TSPAN18: variants seen among roughly 807,000 people sequenced by gnomAD.
TSPAN18 encodes tetraspanin-18.
A neutral mutation model predicts 27.3 loss-of-function variants in TSPAN18; 14 were observed. That is an observed-to-expected ratio of 0.51 (90% CI 0.34 to 0.80). The LOEUF (loss-of-function observed/expected upper bound fraction) is 0.80. TSPAN18 is among the 30% of genes least tolerant of loss of function. TSPAN18 has a pLI of 0.01. For synonymous variants in TSPAN18, 143 were observed against 136.5 expected (o/e 1.05, Z -0.33); for missense variants, 268 against 323.9 (o/e 0.83, Z 1.32).
At chr11:44,737,990 G>A (rs1217991660) in intron 1 of TSPAN18, among the ~76,000 whole-genome samples, 1 of 151,920 alleles carries the variant, frequency 6.6e-6, no homozygotes, top group Non-Finnish European at 1.5e-5. Flanking sequence ...CCTTAGTGGT[G>A]TTTTGTCACT....
intron 2 of TSPAN18, among the ~76,000 whole-genome samples, chr11:44,794,245 C>T (rs1246455466): frequency 3.3e-5 from 5 of 152,186 alleles, no homozygotes; most frequent in Non-Finnish European, 7.3e-5. Flanking sequence ...TCACCCCTAC[C>T]AAGTGTTTCC....
At chr11:44,812,693 A>T (rs1054096098) in intron 2 of TSPAN18, among the ~76,000 whole-genome samples, 1 of 152,174 alleles carries the variant, frequency 6.6e-6, no homozygotes, top group Admixed American at 6.5e-5. Context: ...GGGATCATTA[A>T]GGCACAGACC....
rs1442347270 is a variant in TSPAN18 at position 44,888,588 on chromosome 11, G to GGGCTT, written c.-10-17811_-10-17807dup. ...TCCAGAGTCACCTTTCCCTGGGGCT[G>GGGCTT]GGCTTGGCTTGGGCTGCATTTGGAG... On this transcript the variant is annotated intron_variant, in intron 3 of 9. Coordinates refer to ENST00000520358, the MANE Select transcript of TSPAN18 (RefSeq NM_130783.5). Among the ~76,000 whole-genome samples, 13 of 152,168 alleles carry GGGCTT rather than the reference G, an allele frequency of 8.5e-5. No homozygotes were observed. In the East Asian group the frequency reaches 2.5e-3, roughly 29 times the overall value.
At chr11:44,905,963 TTCTGGTCCAGGC>T (rs1392555544) in intron 3 of TSPAN18, among the ~76,000 whole-genome samples, 26 of 152,306 alleles carry the variant, frequency 1.7e-4, no homozygotes, top group African/African-American at 6.0e-4. Context: ...CAGGCCTGGC[TTCTGGTCCAGGC>T]TCTGGGCCTT....
intron 2 of TSPAN18, among the ~76,000 whole-genome samples, chr11:44,846,391 G>A (rs972421186): frequency 2.6e-5 from 4 of 152,308 alleles, no homozygotes; most frequent in South Asian, 2.1e-4. Context: ...AGTGTTGGGC[G>A]CAGGCCTGTG....
At chr11:44,926,883 G>T (rs1302344285) in intron 9 of TSPAN18, 126 bp downstream of exon 9, 2 of 919,152 alleles carry the variant, frequency 2.2e-6, no homozygotes, top group Non-Finnish European at 3.4e-6. Flanking sequence ...CCCACTGTGG[G>T]TGCTATGGGG....
At chr11:44,846,743 C>T (rs962566182) in intron 2 of TSPAN18, among the ~76,000 whole-genome samples, 2 of 152,206 alleles carry the variant, frequency 1.3e-5, no homozygotes, top group African/African-American at 2.4e-5. Flanking sequence ...AATACAGCCT[C>T]TCCAGGTAGG....
rs1554938070 is a variant in TSPAN18, at chr11:44,908,776, A to AAAGG, written c.64-926_64-925insGAAG. ...AGAGAGAGAGAGAGAAAGGAGAAAG[A>AAAGG]AAGAAAGAAAGAAAGAAAGAAAGAA... On this transcript the variant is annotated intron_variant, in intron 4 of 9. Coordinates refer to ENST00000520358, the MANE Select transcript of TSPAN18 (RefSeq NM_130783.5). Among the ~76,000 whole-genome samples the AAAGG allele has an allele frequency of 5.8e-5, 7 of 120,500 alleles. 1 individual carries two copies. In the East Asian group the frequency reaches 1.8e-3, roughly 31 times the overall value. The allele number at this position is 120,500 out of a possible 152,430, so 79.1% of individuals were successfully genotyped here. A position where few individuals can be genotyped will look rare whatever the true frequency, so the allele number is the denominator to read the frequency against.
chr11:44,924,511 C>A (rs1357461911), intron 8 of TSPAN18, among the ~76,000 whole-genome samples: 1 of 152,082 alleles, frequency 6.6e-6, no homozygotes. Context: ...TCCGGGAAAC[C>A]CCTCAAAGAG....
At chr11:44,731,776 C>T (rs1854667725) in intron 1 of TSPAN18, among the ~76,000 whole-genome samples, 1 of 152,030 alleles carries the variant, frequency 6.6e-6, no homozygotes, top group Non-Finnish European at 1.5e-5. Flanking sequence ...TAGCCCCGTC[C>T]CCATGGCAAG....
chr11:44,914,576 A>G (rs1859836566), intron 5 of TSPAN18, among the ~76,000 whole-genome samples: 1 of 152,158 alleles, frequency 6.6e-6, no homozygotes, highest in African/African-American at 2.4e-5. Context: ...TAGAAACCAT[A>G]AGACCTCGGG....
chr11:44,851,485 C>T (rs1857599294), intron 2 of TSPAN18, among the ~76,000 whole-genome samples: 1 of 152,096 alleles, frequency 6.6e-6, no homozygotes, highest in Non-Finnish European at 1.5e-5. Flanking sequence ...GAGTGGACTT[C>T]AGAGTTCCAA....
chr11:44,783,054 C>T (rs1240773689), intron 2 of TSPAN18, among the ~76,000 whole-genome samples: 4 of 152,148 alleles, frequency 2.6e-5, no homozygotes, highest in African/African-American at 9.7e-5. Context: ...GTCTCGAACT[C>T]CTGGCTCCAG....
chr11:44,854,592 TCTTA>T (rs1857688374), intron 2 of TSPAN18, among the ~76,000 whole-genome samples: 1 of 152,174 alleles, frequency 6.6e-6, no homozygotes, highest in Non-Finnish European at 1.5e-5. Context: ...GGGAGAAAGT[TCTTA>T]CTTATTGTAG....
At chr11:44,763,835 C>G (rs1590433080) in intron 1 of TSPAN18, among the ~76,000 whole-genome samples, 1 of 152,078 alleles carries the variant, frequency 6.6e-6, no homozygotes, top group East Asian at 1.9e-4. Context: ...GGTGCTTAGT[C>G]CTGCCTTTCC....
At chr11:44,914,985 G>A (rs1383882936) in intron 5 of TSPAN18, among the ~76,000 whole-genome samples, 1 of 152,248 alleles carries the variant, frequency 6.6e-6, no homozygotes, top group Non-Finnish European at 1.5e-5. Context: ...CCTCGTGGAA[G>A]CCATGCGCAG....
intron 2 of TSPAN18, among the ~76,000 whole-genome samples, chr11:44,774,579 A>T (rs1203477414): frequency 2.0e-5 from 3 of 152,132 alleles, no homozygotes; most frequent in Non-Finnish European, 4.4e-5. Flanking sequence ...TCACCTTGCA[A>T]TTGGGGACCT....
At chr11:44,738,962 C>A (rs1854864799) in intron 1 of TSPAN18, among the ~76,000 whole-genome samples, 1 of 152,160 alleles carries the variant, frequency 6.6e-6, no homozygotes, top group Admixed American at 6.5e-5. Context: ...AGCCTGCACT[C>A]CACCGCCAGA....
At chr11:44,915,300 C>G (rs1032604903) in intron 5 of TSPAN18, among the ~76,000 whole-genome samples, 6 of 152,200 alleles carry the variant, frequency 3.9e-5, no homozygotes, top group African/African-American at 1.4e-4. Context: ...CCAGCGGCCT[C>G]CGTCACTGTC....
Sources: gnomAD v4.1 joint callset for allele counts (sites outside exome capture counted in the v4.1 genomes callset) on GRCh38, gnomAD v4.1.1 for gene constraint, MANE v1.5 for transcripts, NCBI Gene and HGNC (gene_info 2026-07-23, HGNC 2026-07-21) for gene names.